Variants in CACNB1 observed in about 807,000 individuals in gnomAD.
CACNB1 encodes calcium voltage-gated channel auxiliary subunit beta 1, also known as voltage-dependent L-type calcium channel subunit beta-1.
In CACNB1, 29 loss-of-function variants were observed where a neutral mutation model predicts 71.6. The ratio of observed to expected loss-of-function variants is 0.40; its 90% confidence interval spans 0.30 to 0.55. The LOEUF (loss-of-function observed/expected upper bound fraction) is 0.55, where lower values mean the gene tolerates loss of function less well. Ranked by LOEUF, CACNB1 falls within the 20% of genes least tolerant of loss-of-function variation. The probability of loss-of-function intolerance (pLI) is 0.38; values close to 1 mark genes in which losing one functional copy is unlikely to be tolerated. For missense variants in CACNB1, 623 were observed against 801.8 expected (o/e 0.78, Z 2.69); for synonymous variants, 300 against 319.6 (o/e 0.94, Z 0.65).
At chr17:39,187,774 G>A (rs1354418780) in intron 3 of CACNB1, among the ~76,000 whole-genome samples, 173 bp from the exon 4 acceptor site, 1 of 152,324 alleles carries the variant, frequency 6.6e-6, no homozygotes, top group Middle Eastern at 3.4e-3. Flanking sequence ...AGCACGTTGG[G>A]AGGCCAAGGT....
At position 39,178,094 on chromosome 17, in the gene CACNB1, G is replaced by A. The variant is rs149931857; in HGVS notation, c.1051-15C>T. 12 of 1,602,964 alleles carry A rather than the reference G, an allele frequency of 7.5e-6. No homozygotes were observed. The highest frequency in any genetic ancestry group is 4.5e-5 in the East Asian group (2 of 44,822). On this transcript the variant is annotated splice_polypyrimidine_tract_variant and intron_variant, in intron 11 of 13. Transcript: ENST00000394303. Reference sequence around the variant, plus strand: ...CTTTGAAGTACCTGGTTTGGGGAGAGAGAAAAGGAAGAGGAGCTAGAGGGA... The same window carrying A: ...CTTTGAAGTACCTGGTTTGGGGAGAAAGAAAAGGAAGAGGAGCTAGAGGGA...
rs1271225113 is a variant in CACNB1, at chr17:39,175,483, C to G, written c.1507G>C (p.Asp503His). 1 of 1,614,060 alleles carries G rather than the reference C, an allele frequency of 6.2e-7. No homozygotes were observed. The highest frequency in any genetic ancestry group is 1.7e-5 in the Admixed American group (1 of 60,014). Residue 503 changes from aspartate (D) to histidine (H), a missense_variant, in exon 14 of 14, where the codon GAC becomes CAC. By Grantham distance (81) the Asp-to-His change is moderately conservative. Transcript: ENST00000394303. This position sits in a 1 kb window ranked among gnomAD's most constrained non-coding sequence, Gnocchi z 4.7. ...ALSRQDTFDA[D>H]TPGSRNSAYT... is the part of the protein sequence containing the mutation. ...GCAGAGTTTCGGCTGCCGGGGGTGT[C>G]GGCATCAAAAGTGTCTTGGCGGGAC...
intron 1 of CACNB1, among the ~76,000 whole-genome samples, chr17:39,196,157 G>C (rs1220234208): frequency 1.3e-5 from 2 of 152,142 alleles, no homozygotes; most frequent in Admixed American, 6.5e-5. Flanking sequence ...TGGGGGCTTT[G>C]GCTGCTGGGA....
In CACNB1 at chr17:39,187,567, A is replaced by G. The variant is rs1290446796; in HGVS notation, c.326T>C (p.Val109Ala). ...ATCCCCTGGAGACGGATTGTAGCCAACATTTGTCCGCACAGCAAATGCCAC... is the reference window on the plus strand; with the variant it reads ...ATCCCCTGGAGACGGATTGTAGCCAGCATTTGTCCGCACAGCAAATGCCAC... ...KPVAFAVRTN[V>A]GYNPSPGDEV... The change falls in exon 4 of 14, where the codon GTT (valine) becomes GCT (alanine). Residue 109 changes from valine (V) to alanine (A), a missense_variant. Physicochemically the swap from Val to Ala is moderately conservative, Grantham distance 64. Coordinates refer to ENST00000394303, the MANE Select transcript of CACNB1 (RefSeq NM_000723.5). 2 of 1,614,248 alleles carry G rather than the reference A, an allele frequency of 1.2e-6. No homozygotes were observed. Among genetic ancestry groups the G allele is most frequent in the East Asian group, 2.2e-5 (1 of 44,892 alleles).
At position 39,187,420 on chromosome 17, in the gene CACNB1, A is replaced by G. The variant is rs147747228; in HGVS notation, c.414+59T>C. 2.4e-3 allele frequency: 3,858 copies of G among 1,605,018 alleles called. 10 individuals are homozygous for G. The highest frequency in any genetic ancestry group is 4.8e-3 in the Middle Eastern group (29 of 6,034). ...TTGGCTCAGAAGCCTTTTGTCCACT[A>G]GCACTCTGGCTGCCTGTCTCCTGGC... On this transcript the variant is annotated intron_variant, in intron 4 of 13. Coordinates refer to ENST00000394303, the MANE Select transcript of CACNB1 (RefSeq NM_000723.5).
At position 39,184,848 on chromosome 17, in the gene CACNB1, G is replaced by A. The variant is rs748339655; in HGVS notation, c.665C>T (p.Pro222Leu). ...CCTCATGGAAGGCACCACGTCATAGGGGGGCACATGCTCTGTCTGGGGGGG... is the reference window on the plus strand; with the variant it reads ...CCTCATGGAAGGCACCACGTCATAGAGGGGCACATGCTCTGTCTGGGGGGG... ...QKQKSTEHVP[P>L]YDVVPSMRPI... Residue 222 changes from proline (P) to leucine (L), a missense_variant, in exon 8 of 14, where the codon CCC becomes CTC. By Grantham distance (98) the Pro-to-Leu change is moderately conservative (BLOSUM62 -3). Coordinates refer to ENST00000394303, the MANE Select transcript of CACNB1 (RefSeq NM_000723.5). 3 of 1,604,784 alleles carry A rather than the reference G, an allele frequency of 1.9e-6. No homozygotes were observed. The highest frequency in any genetic ancestry group is 1.1e-5 in the South Asian group (1 of 90,902).
intron 11 of CACNB1, 106 bp downstream of exon 11, chr17:39,183,607 C>A (rs2045847649): frequency 5.4e-6 from 5 of 933,626 alleles, no homozygotes; most frequent in Non-Finnish European, 7.9e-6. Context: ...AACTAAGACT[C>A]AGGCAGATTA....
intron 7 of CACNB1, 83 bp downstream of exon 7, chr17:39,185,048 C>G: frequency 7.9e-7 from 1 of 1,272,540 alleles, no homozygotes; most frequent in Non-Finnish European, 1.2e-6. Context: ...AAATGGGGGA[C>G]AGATGTGGGA....
chr17:39,176,570 C>A (rs1342042401), intron 13 of CACNB1, among the ~76,000 whole-genome samples: 1 of 152,170 alleles, frequency 6.6e-6, no homozygotes, highest in East Asian at 1.9e-4. Context: ...AGCAAGGATG[C>A]ATTATCTAAC....
intron 11 of CACNB1, among the ~76,000 whole-genome samples, chr17:39,182,429 G>A (rs957144306): frequency 2.6e-5 from 4 of 151,874 alleles, no homozygotes; most frequent in South Asian, 4.2e-4. Flanking sequence ...GGCTGGGTGC[G>A]GTAGCTCACT....
intron 11 of CACNB1, among the ~76,000 whole-genome samples, chr17:39,178,919 A>G (rs11656212): frequency 0.018 from 2,666 of 152,296 alleles, 73 homozygotes; most frequent in African/African-American, 0.06. Context: ...CAGACAGTCT[A>G]CAGAATAGCT....
At chr17:39,182,901 A>G (rs1193608782) in intron 11 of CACNB1, 5 of 940,642 alleles carry the variant, frequency 5.3e-6, no homozygotes, top group Non-Finnish European at 6.3e-6. Flanking sequence ...CAATAAGAAT[A>G]AATCAATACG....
At chr17:39,178,863 C>T (rs374663618) in intron 11 of CACNB1, among the ~76,000 whole-genome samples, 155 of 152,160 alleles carry the variant, frequency 1.0e-3, no homozygotes, top group African/African-American at 1.6e-3. Flanking sequence ...AATGCAAAAC[C>T]GGAAACTAAT....
intron 12 of CACNB1, 45 bp from the exon 13 acceptor site, chr17:39,177,580 T>G (rs757601138): frequency 1.3e-6 from 2 of 1,505,374 alleles, no homozygotes. Flanking sequence ...GAGTGGGGCA[T>G]GGCCAAGGGG....
intron 7 of CACNB1, 129 bp from the exon 8 acceptor site, chr17:39,184,993 TGG>T: frequency 1.1e-6 from 1 of 950,476 alleles, no homozygotes; most frequent in Non-Finnish European, 1.7e-6. Context: ...GGGATCAGGG[TGG>T]GGGTGGGGAG....
chr17:39,187,256 G>T, intron 4 of CACNB1: 1 of 622,278 alleles, frequency 1.6e-6, no homozygotes, highest in Non-Finnish European at 2.8e-6. Flanking sequence ...CGCCATGCCA[G>T]TTCAGGCCCC....
At chr17:39,190,529 G>A (rs1337031755) in intron 3 of CACNB1, among the ~76,000 whole-genome samples, 1 of 152,086 alleles carries the variant, frequency 6.6e-6, no homozygotes, top group Non-Finnish European at 1.5e-5. Context: ...CTTAGTTCAA[G>A]CGATTCTGGT....
At chr17:39,188,588 T>C (rs1426795604) in intron 3 of CACNB1, among the ~76,000 whole-genome samples, 1 of 151,690 alleles carries the variant, frequency 6.6e-6, no homozygotes, top group Non-Finnish European at 1.5e-5. Context: ...AAAAAATGTA[T>C]ACTGAATTGG....
chr17:39,196,818 T>A (rs1597721868), intron 1 of CACNB1, among the ~76,000 whole-genome samples: 2 of 114,122 alleles, frequency 1.8e-5, no homozygotes, highest in African/African-American at 6.6e-5. Context: ...TCAACGTGGG[T>A]GTGGGGGGAG....
Sources: allele counts gnomAD v4.1 joint callset (sites outside exome capture counted in the v4.1 genomes callset), GRCh38; gene constraint gnomAD v4.1.1; non-coding constraint Gnocchi (gnomAD v3.1); transcripts MANE v1.5; gene names NCBI Gene and HGNC (gene_info 2026-07-23, HGNC 2026-07-21).